Variants in KIAA0825 observed in about 807,000 individuals in gnomAD.
KIAA0825 encodes the protein KIAA0825, also known as uncharacterized protein KIAA0825.
KIAA0825 carries 119 observed loss-of-function variants against 147.6 expected under a neutral mutation model. That is an observed-to-expected ratio of 0.81 (90% CI 0.69 to 0.94). The LOEUF is 0.94. KIAA0825 is among the 40% of genes least tolerant of loss of function. The pLI is 0.00. For missense variants in KIAA0825, 1,381 were observed against 1,472.7 expected, an observed-to-expected ratio of 0.94 and a Z score of 1.02; for synonymous variants, 470 against 518.1, an observed-to-expected ratio of 0.91 and a Z score of 1.26.
intron 20 of KIAA0825, among the ~76,000 whole-genome samples, chr5:94,368,769 T>C (rs1436113344): frequency 6.6e-6 from 1 of 152,252 alleles, no homozygotes; most frequent in Admixed American, 6.5e-5. Context: ...AGCAGCCTGT[T>C]AGTGCCATTA....
chr5:94,424,635 C>A (rs1754614714), intron 14 of KIAA0825, among the ~76,000 whole-genome samples: 1 of 151,642 alleles, frequency 6.6e-6, no homozygotes, highest in Non-Finnish European at 1.5e-5. Flanking sequence ...CACACATAAC[C>A]CAAAATTAGC....
Position 94,417,191 on chromosome 5 carries a change from T to C in KIAA0825, c.2662+10A>G, listed in dbSNP as rs1190394699. On this transcript the variant is annotated intron_variant, in intron 15 of 20. Coordinates refer to ENST00000682413, the MANE Select transcript of KIAA0825 (RefSeq NM_001145678.3). ...GAACATTTCTTTTACAAACAGTAAA[T>C]GTCTCATACCTGGGATGTTATATAA... 6.5e-7 allele frequency: 1 copy of C among 1,548,922 alleles called. No homozygotes were observed. Among genetic ancestry groups the C allele is most frequent in the Admixed American group, 2.0e-5 (1 of 50,986 alleles).
chr5:94,492,617 CA>C (rs1450370262), intron 5 of KIAA0825, among the ~76,000 whole-genome samples: 5 of 152,188 alleles, frequency 3.3e-5, no homozygotes, highest in African/African-American at 1.2e-4. Context: ...TGAATGGCTT[CA>C]AAATGGTACA....
At chr5:94,537,594 G>A (rs1772320610) in intron 2 of KIAA0825, among the ~76,000 whole-genome samples, 1 of 147,984 alleles carries the variant, frequency 6.8e-6, no homozygotes, top group Admixed American at 6.8e-5. Flanking sequence ...CTTGCAGTGA[G>A]CCGCGATTGC....
At chr5:94,588,862 C>A (rs945145717) in intron 1 of KIAA0825, among the ~76,000 whole-genome samples, 5 of 152,088 alleles carry the variant, frequency 3.3e-5, no homozygotes, top group African/African-American at 9.7e-5. Context: ...GAGTTCATGT[C>A]CTTTGCAGGG....
At position 94,549,012 on chromosome 5, in the gene KIAA0825, T is replaced by C. The variant is rs1775002293; in HGVS notation, c.-1-11885A>G. ...AGACTTCAACACCTTACTTTCAGCATAGGACAGATCTTACAAAGAGAAAAT... is the reference window on the plus strand; with the variant it reads ...AGACTTCAACACCTTACTTTCAGCACAGGACAGATCTTACAAAGAGAAAAT... On this transcript the variant is annotated intron_variant, in intron 2 of 20. Coordinates refer to ENST00000682413, the MANE Select transcript of KIAA0825 (RefSeq NM_001145678.3). 2.0e-5 allele frequency among the ~76,000 whole-genome samples: 3 copies of C among 152,306 alleles called. No individual in the cohort carries two copies. In the South Asian group the frequency reaches 6.2e-4, roughly 32 times the overall value.
At chr5:94,187,002 A>G (rs568114517) in intron 20 of KIAA0825, among the ~76,000 whole-genome samples, 3 of 152,214 alleles carry the variant, frequency 2.0e-5, no homozygotes, top group Admixed American at 6.5e-5. Context: ...TTGATGGATC[A>G]TATAATAGAA....
chr5:94,486,631 C>T (rs1763086292), intron 5 of KIAA0825, among the ~76,000 whole-genome samples: 1 of 152,144 alleles, frequency 6.6e-6, no homozygotes, highest in Non-Finnish European at 1.5e-5. Flanking sequence ...ATCTAACTCA[C>T]ATCTACTGTT....
intron 11 of KIAA0825, 141 bp downstream of exon 11, chr5:94,464,728 G>A (rs1332727575): frequency 2.7e-5 from 19 of 715,386 alleles, no homozygotes; most frequent in Non-Finnish European, 3.5e-5. Context: ...AAATAACTCA[G>A]GAGAATAGAA....
chr5:94,261,503 G>T (rs984443582), intron 20 of KIAA0825, among the ~76,000 whole-genome samples: 2 of 152,084 alleles, frequency 1.3e-5, no homozygotes, highest in Middle Eastern at 6.8e-3. Context: ...GAGAAAGGCC[G>T]ACCTTAAATA....
intron 13 of KIAA0825, among the ~76,000 whole-genome samples, chr5:94,450,349 A>G (rs1287067954): frequency 6.7e-6 from 1 of 148,306 alleles, no homozygotes; most frequent in Admixed American, 6.8e-5. Context: ...GCAAAACAAG[A>G]GTTCTCTCAC....
At chr5:94,323,571 A>T (rs1039666085) in intron 20 of KIAA0825, among the ~76,000 whole-genome samples, 14 of 151,882 alleles carry the variant, frequency 9.2e-5, no homozygotes, top group Middle Eastern at 3.4e-3. Context: ...AAAAAAAAAA[A>T]TTAATTTGAA....
At chr5:94,613,776 C>A (rs1331458482) in intron 1 of KIAA0825, among the ~76,000 whole-genome samples, 2 of 152,192 alleles carry the variant, frequency 1.3e-5, no homozygotes, top group African/African-American at 4.8e-5. Context: ...GAAGGGGGTG[C>A]CCTTTTCTAA....
At chr5:94,240,853 T>C (rs1775308242) in intron 20 of KIAA0825, among the ~76,000 whole-genome samples, 1 of 152,318 alleles carries the variant, frequency 6.6e-6, no homozygotes, top group Admixed American at 6.5e-5. Flanking sequence ...ACTGAGGTAA[T>C]AGTTCCATTG....
chr5:94,263,544 C>T (rs1342446135), intron 20 of KIAA0825, among the ~76,000 whole-genome samples: 2 of 152,104 alleles, frequency 1.3e-5, no homozygotes, highest in Non-Finnish European at 2.9e-5. Context: ...TGAATGACTC[C>T]TGAGTGTATG....
intron 20 of KIAA0825, among the ~76,000 whole-genome samples, chr5:94,224,638 GAGTA>G (rs1351460222): frequency 1.3e-5 from 2 of 152,164 alleles, no homozygotes; most frequent in East Asian, 3.9e-4. Context: ...GTATATATAG[GAGTA>G]AGTAATTTTA....
At chr5:94,491,551 A>G (rs1481540023) in intron 5 of KIAA0825, among the ~76,000 whole-genome samples, 1 of 152,146 alleles carries the variant, frequency 6.6e-6, no homozygotes, top group African/African-American at 2.4e-5. Context: ...TGAGTTTGTA[A>G]AGGGCCTTCT....
At chr5:94,297,379 T>G (rs188930007) in intron 20 of KIAA0825, among the ~76,000 whole-genome samples, 6 of 152,338 alleles carry the variant, frequency 3.9e-5, no homozygotes, top group African/African-American at 1.4e-4. Context: ...ACTTGGAGTT[T>G]TATTTGTGTT....
intron 20 of KIAA0825, among the ~76,000 whole-genome samples, chr5:94,245,871 G>T (rs867709685): frequency 6.6e-6 from 1 of 151,936 alleles, no homozygotes; most frequent in Non-Finnish European, 1.5e-5. Context: ...ATACTTTACT[G>T]TTTCCTCTTT....
Sources: allele counts gnomAD v4.1 joint callset (sites outside exome capture counted in the v4.1 genomes callset), GRCh38; gene constraint gnomAD v4.1.1; transcripts MANE v1.5; gene names NCBI Gene and HGNC (gene_info 2026-07-23, HGNC 2026-07-21).